The following SH3KBP1 variants were observed in gnomAD, a reference collection of about 807,000 sequenced individuals.
SH3KBP1 encodes the protein SH3 domain-containing kinase-binding protein 1.
A neutral mutation model predicts 50.1 loss-of-function variants in SH3KBP1; 8 were observed. That is an observed-to-expected ratio of 0.16 (90% CI 0.09 to 0.29). The LOEUF (loss-of-function observed/expected upper bound fraction) is 0.29. Among genes scored for constraint, SH3KBP1 ranks in the 10% least tolerant of loss-of-function variants. The pLI is 1.00. For synonymous variants in SH3KBP1, 227 were observed against 218.6 expected (o/e 1.04, Z -0.34); for missense variants, 377 against 535.2 (o/e 0.70, Z 2.92).
chrX:19,664,975 C>T (rs997416161), intron 6 of SH3KBP1, among the ~76,000 whole-genome samples: 5 of 112,028 alleles, frequency 4.5e-5, no homozygotes, highest in Admixed American at 2.8e-4. Context: ...CAGTTTTGCA[C>T]GACTCTAGGA....
chrX:19,706,659 G>A (rs1255155115), intron 4 of SH3KBP1, among the ~76,000 whole-genome samples: 1 of 110,905 alleles, frequency 9.0e-6, no homozygotes, highest in African/African-American at 3.3e-5. Flanking sequence ...AGTAAGCTGT[G>A]TTAGAGACAA....
chrX:19,651,035 C>A (rs2062110608), intron 6 of SH3KBP1, among the ~76,000 whole-genome samples: 1 of 111,556 alleles, frequency 9.0e-6, no homozygotes, highest in Non-Finnish European at 1.9e-5. Context: ...TTAAAACTCA[C>A]TGTAAACTTT....
At chrX:19,764,695 G>C (rs973127655) in intron 2 of SH3KBP1, among the ~76,000 whole-genome samples, 2 of 111,562 alleles carry the variant, frequency 1.8e-5, no homozygotes, top group African/African-American at 6.5e-5. Flanking sequence ...CAATTACTAA[G>C]TGCCTTAATA....
chrX:19,666,875 C>T lies in SH3KBP1; in HGVS notation c.726+16948G>A, dbSNP rs190329576. On this transcript the variant is annotated intron_variant, in intron 6 of 17. Transcript: ENST00000397821. ...ATATCTAAAAAATTGAAAGCAAGGACTCAAACAAGTATTGGTATGCCAATG... is the reference window on the plus strand; with the variant it reads ...ATATCTAAAAAATTGAAAGCAAGGATTCAAACAAGTATTGGTATGCCAATG... Among the ~76,000 whole-genome samples the T allele has an allele frequency of 6.2e-5, 7 of 112,127 alleles. No homozygotes were observed. In the Admixed American group the frequency reaches 6.6e-4, roughly 11 times the overall value.
chrX:19,873,926 G>A (rs1341829336), intron 1 of SH3KBP1, among the ~76,000 whole-genome samples: 1 of 103,473 alleles, frequency 9.7e-6, no homozygotes, highest in African/African-American at 3.6e-5. Flanking sequence ...GTGTGCGCCT[G>A]TAATCCCAGC....
chrX:19,736,542 A>G (rs984579156), intron 3 of SH3KBP1, among the ~76,000 whole-genome samples: 2 of 112,370 alleles, frequency 1.8e-5, no homozygotes, highest in Admixed American at 1.9e-4. Flanking sequence ...GCACAGGCAC[A>G]TGCAGAGGAA....
At chrX:19,843,008 C>CTTTTTTT (rs1208728077) in intron 1 of SH3KBP1, among the ~76,000 whole-genome samples, 2 of 65,182 alleles carry the variant, frequency 3.1e-5, no homozygotes, top group Non-Finnish European at 5.3e-5. Context: ...CGTGCATCAA[C>CTTTTTTT]TTTTTTTTTT....
chrX:19,819,942 A>T (rs181263713), intron 2 of SH3KBP1, among the ~76,000 whole-genome samples: 3 of 111,444 alleles, frequency 2.7e-5, no homozygotes, highest in Non-Finnish European at 5.7e-5. Context: ...GTGTTTGTTT[A>T]ATCTTTTTGA....
intron 12 of SH3KBP1, among the ~76,000 whole-genome samples, chrX:19,580,783 G>A (rs898525841): frequency 1.2e-4 from 13 of 110,693 alleles, no homozygotes; most frequent in African/African-American, 3.9e-4. Flanking sequence ...CCTTTTGGAT[G>A]GCTCCTAGGC....
chrX:19,640,515 T>A (rs1338982480), intron 7 of SH3KBP1, among the ~76,000 whole-genome samples: 3 of 109,072 alleles, frequency 2.8e-5, no homozygotes, highest in Non-Finnish European at 3.8e-5. Context: ...ATTTTGCTTT[T>A]GCTTGGTGTA....
intron 12 of SH3KBP1, among the ~76,000 whole-genome samples, chrX:19,576,341 C>G (rs988516263): frequency 9.1e-6 from 1 of 110,469 alleles, no homozygotes; most frequent in South Asian, 3.9e-4. Flanking sequence ...CAGCTCACCC[C>G]CTTTGAGAAT....
chrX:19,627,196 C>G (rs1350714582), intron 8 of SH3KBP1, among the ~76,000 whole-genome samples: 3 of 112,202 alleles, frequency 2.7e-5, no homozygotes, highest in Non-Finnish European at 5.6e-5. Context: ...GGCTGTTGCT[C>G]TGAGGCCAGG....
intron 13 of SH3KBP1, among the ~76,000 whole-genome samples, chrX:19,553,684 G>A (rs1329950478): frequency 9.6e-6 from 1 of 104,426 alleles, no homozygotes; most frequent in Non-Finnish European, 1.9e-5. Flanking sequence ...TACTGGTTGA[G>A]GTTTGCACTA....
intron 2 of SH3KBP1, among the ~76,000 whole-genome samples, chrX:19,827,441 C>G (rs1168895815): frequency 8.9e-6 from 1 of 111,809 alleles, no homozygotes; most frequent in Non-Finnish European, 1.9e-5. Context: ...TGAACTTTAT[C>G]AAATGTCCCC....
Position 19,807,514 on chromosome X carries a change from A to G in SH3KBP1, c.162+28611T>C, listed in dbSNP as rs749901820. Among the ~76,000 whole-genome samples the G allele has an allele frequency of 3.7e-5, 4 of 108,886 alleles. No individual in the cohort carries two copies. The East Asian group carries it at 8.7e-4, about 24-fold the overall frequency. 94.6% of individuals were successfully genotyped at this position (108,886 alleles called of 115,157 possible). ...CACGTGTGGGCTCCAACTTCTCCTCACCTGAAACAGCCCACACACTCCACC... is the reference window on the plus strand; with the variant it reads ...CACGTGTGGGCTCCAACTTCTCCTCGCCTGAAACAGCCCACACACTCCACC... On this transcript the variant is annotated intron_variant, in intron 2 of 17. Transcript: ENST00000397821.
At chrX:19,643,307 A>ATTTTTTTT (rs1216327847) in intron 7 of SH3KBP1, among the ~76,000 whole-genome samples, 3 of 74,547 alleles carry the variant, frequency 4.0e-5, no homozygotes, top group African/African-American at 6.9e-5. Context: ...AGAATTTTTT[A>ATTTTTTTT]TTTTTTTTTT....
At chrX:19,768,786 G>A (rs980839209) in intron 2 of SH3KBP1, among the ~76,000 whole-genome samples, 3 of 109,317 alleles carry the variant, frequency 2.7e-5, no homozygotes, top group Non-Finnish European at 5.7e-5. Flanking sequence ...TGATTTATGG[G>A]TGAACATATG....
intron 2 of SH3KBP1, among the ~76,000 whole-genome samples, chrX:19,784,830 A>G (rs2066287480): frequency 9.1e-6 from 1 of 110,462 alleles, no homozygotes; most frequent in African/African-American, 3.3e-5. Context: ...GCTGGTCTCA[A>G]ACTCCTGACC....
chrX:19,589,034 G>A (rs41309573), intron 11 of SH3KBP1, among the ~76,000 whole-genome samples: 53 of 111,704 alleles, frequency 4.7e-4, no homozygotes, highest in Non-Finnish European at 7.5e-4. Flanking sequence ...TGCCTGAAGC[G>A]CCCTTCTGGC....
Sources: gnomAD v4.1 joint callset for allele counts (sites outside exome capture counted in the v4.1 genomes callset) on GRCh38, gnomAD v4.1.1 for gene constraint, MANE v1.5 for transcripts, NCBI Gene and HGNC (gene_info 2026-07-23, HGNC 2026-07-21) for gene names.